The following SRD5A1 variants were observed in gnomAD, a reference collection of about 807,000 sequenced individuals.
SRD5A1 encodes the protein steroid 5 alpha-reductase 1, also known as 3-oxo-5-alpha-steroid 4-dehydrogenase 1.
Under a neutral mutation model 28.2 loss-of-function variants are expected in SRD5A1, and 22 were observed. That is an observed-to-expected ratio of 0.78 (90% CI 0.56 to 1.12). The LOEUF (loss-of-function observed/expected upper bound fraction) is 1.12, where lower values mean the gene tolerates loss of function less well. SRD5A1 is among the 50% of genes most tolerant of loss of function. SRD5A1 has a pLI of 0.00. For missense variants in SRD5A1, 300 were observed against 346.7 expected, an observed-to-expected ratio of 0.87 and a Z score of 1.07; for synonymous variants, 151 against 135.0, an observed-to-expected ratio of 1.12 and a Z score of -0.82.
chr5:6,644,768 C>T (rs554011592), intron 1 of SRD5A1: 1 of 418,136 alleles, frequency 2.4e-6, no homozygotes, highest in South Asian at 1.8e-5. Flanking sequence ...AAGAAGCCCA[C>T]ACGTACCTCT....
chr5:6,656,467 A>G (rs1253630977), intron 3 of SRD5A1, among the ~76,000 whole-genome samples: 2 of 152,232 alleles, frequency 1.3e-5, no homozygotes, highest in Non-Finnish European at 2.9e-5. Context: ...AGTGTCTGAC[A>G]CTTTTGTTTC....
At chr5:6,636,315 T>C (rs1430527203) in intron 1 of SRD5A1, among the ~76,000 whole-genome samples, 1 of 152,156 alleles carries the variant, frequency 6.6e-6, no homozygotes, top group Non-Finnish European at 1.5e-5. Context: ...GCCCTTTATT[T>C]GCACAGGGCC....
chr5:6,633,489 G>T lies in SRD5A1; in HGVS notation c.-88G>T, dbSNP rs1203863403. ...CGGGACTCCGGTAGCCGCCCCTCCG[G>T]TAGCCGCCCCTCCTGCCCCCGCGCC... On this transcript the variant is annotated 5_prime_UTR_variant, in exon 1 of 5. Coordinates refer to ENST00000274192, the MANE Select transcript of SRD5A1 (RefSeq NM_001047.4). The T allele has an allele frequency of 7.4e-7, 1 of 1,353,962 alleles. No homozygotes were observed. The highest frequency in any genetic ancestry group is 9.5e-7 in the Non-Finnish European group (1 of 1,050,404). 83.9% of individuals were successfully genotyped at this position (1,353,962 alleles called of 1,614,324 possible). A position where few individuals can be genotyped will look rare whatever the true frequency, so the allele number is the denominator to read the frequency against.
At chr5:6,657,864 T>G (rs1319133613) in intron 3 of SRD5A1, among the ~76,000 whole-genome samples, 1 of 152,236 alleles carries the variant, frequency 6.6e-6, no homozygotes, top group African/African-American at 2.4e-5. Flanking sequence ...TGTCTGATCC[T>G]TGTTCTAATC....
intron 3 of SRD5A1, among the ~76,000 whole-genome samples, chr5:6,661,138 TAG>T (rs1738986205): frequency 6.6e-6 from 1 of 152,128 alleles, no homozygotes; most frequent in South Asian, 2.1e-4. Context: ...AGAAAAGTAG[TAG>T]AGAGTTCATT....
At chr5:6,662,697 A>G in intron 3 of SRD5A1, 119 bp from the exon 4 acceptor site, 2 of 1,113,598 alleles carry the variant, frequency 1.8e-6, no homozygotes, top group Non-Finnish European at 2.6e-6. Flanking sequence ...AACATTCTGT[A>G]AGGATAATAT....
Position 6,671,690 on chromosome 5 carries a change from G to A in SRD5A1, c.*3422G>A, listed in dbSNP as rs139675736. The stretch of plus-strand genomic sequence containing the variant: ...TTGGGGACTTGGGGGGAAGGGTAAG[G>A]GGGGGTGAGGAATAAAAGACAACAT... On this transcript the variant is annotated 3_prime_UTR_variant, in exon 5 of 5. Coordinates refer to ENST00000274192, the MANE Select transcript of SRD5A1 (RefSeq NM_001047.4). 1 of 145,428 alleles carries A rather than the reference G, an allele frequency of 6.9e-6. No individual in the cohort carries two copies. Among genetic ancestry groups the A allele is most frequent in the East Asian group, 2.3e-4 (1 of 4,434 alleles). The allele number at this position is 145,428 out of a possible 1,614,324, so 9.0% of individuals were successfully genotyped here.
At position 6,652,365 on chromosome 5, in the gene SRD5A1, G is replaced by A. The variant is rs117539140; in HGVS notation, c.460+357G>A. ...TCTCCTGCGGTTCCTTCCATGACAT[G>A]AGGAAAACCCAGACTGGGTTAGCTT... On this transcript the variant is annotated intron_variant, in intron 2 of 4. Transcript: ENST00000274192. Among the ~76,000 whole-genome samples the A allele has an allele frequency of 3.9e-5, 6 of 152,336 alleles. No individual in the cohort carries two copies. In the East Asian group the frequency reaches 1.2e-3, roughly 29 times the overall value.
At position 6,647,016 on chromosome 5, in the gene SRD5A1, C is replaced by T. The variant is rs561637273; in HGVS notation, c.294-4826C>T. 5.9e-5 allele frequency among the ~76,000 whole-genome samples: 9 copies of T among 152,244 alleles called. No homozygotes were observed. The East Asian group carries it at 1.5e-3, about 26-fold the overall frequency. Reference sequence around the variant, plus strand: ...GTTTTAAAGAACATCTTTATTTCTGCTTTCATTTTGTTATTTATCCAGTAG... The same window carrying T: ...GTTTTAAAGAACATCTTTATTTCTGTTTTCATTTTGTTATTTATCCAGTAG... On this transcript the variant is annotated intron_variant, in intron 1 of 4. Transcript: ENST00000274192.
Position 6,634,696 on chromosome 5 carries a change from T to G in SRD5A1, c.293+827T>G, listed in dbSNP as rs1222847670. 5.3e-5 allele frequency among the ~76,000 whole-genome samples: 8 copies of G among 152,370 alleles called. No individual in the cohort carries two copies. The East Asian group carries it at 1.3e-3, about 26-fold the overall frequency. On this transcript the variant is annotated intron_variant, in intron 1 of 4. Coordinates refer to ENST00000274192, the MANE Select transcript of SRD5A1 (RefSeq NM_001047.4). Reference sequence around the variant, plus strand: ...GTGGAAAGCCAGCAACCTTAAACCTTAAACAAACGAAGTCTTAAAGATGAC... The same window carrying G: ...GTGGAAAGCCAGCAACCTTAAACCTGAAACAAACGAAGTCTTAAAGATGAC...
At chr5:6,663,347 A>G (rs1353898337) in intron 4 of SRD5A1, among the ~76,000 whole-genome samples, 1 of 152,254 alleles carries the variant, frequency 6.6e-6, no homozygotes, top group Non-Finnish European at 1.5e-5. Flanking sequence ...CTGAAGAGGT[A>G]GGTGAATCTC....
At chr5:6,657,583 C>A (rs1738872549) in intron 3 of SRD5A1, among the ~76,000 whole-genome samples, 1 of 152,204 alleles carries the variant, frequency 6.6e-6, no homozygotes, top group Non-Finnish European at 1.5e-5. Context: ...ATGAGCCAGA[C>A]TAAGAAGGGA....
intron 2 of SRD5A1, among the ~76,000 whole-genome samples, chr5:6,654,434 T>TTGTTTGTTTG (rs1554001873): frequency 6.6e-6 from 1 of 151,338 alleles, no homozygotes; most frequent in African/African-American, 2.4e-5. Flanking sequence ...TAAGTTTTTT[T>TTGTTTGTTTG]TTTGTTTGTT....
intron 2 of SRD5A1, among the ~76,000 whole-genome samples, chr5:6,654,177 C>T (rs770267972): frequency 6.6e-5 from 10 of 151,894 alleles, no homozygotes; most frequent in East Asian, 1.9e-4. Flanking sequence ...CTCAGCCTCC[C>T]GAGTAGCTGG....
In SRD5A1 at chr5:6,674,165, TTTAA is replaced by T. The variant is rs1739440716; in HGVS notation, c.*5901_*5904del. 1.3e-5 allele frequency: 2 copies of T among 152,036 alleles called. No individual in the cohort carries two copies. Among genetic ancestry groups the T allele is most frequent in the African/African-American group, 4.8e-5 (2 of 41,454 alleles). 9.4% of individuals were successfully genotyped at this position (152,036 alleles called of 1,614,324 possible). On this transcript the variant is annotated 3_prime_UTR_variant, in exon 5 of 5. Coordinates refer to ENST00000274192, the MANE Select transcript of SRD5A1 (RefSeq NM_001047.4). Reference sequence around the variant, plus strand: ...ATTTTCATTATTATCTAAAATGTTATTTAATTATTAAATTTAGATGCTACTTAAT... The same window carrying T: ...ATTTTCATTATTATCTAAAATGTTATTTATTAAATTTAGATGCTACTTAAT...
chr5:6,646,099 G>T (rs950518542), intron 1 of SRD5A1, among the ~76,000 whole-genome samples: 2 of 151,946 alleles, frequency 1.3e-5, no homozygotes, highest in Non-Finnish European at 2.9e-5. Flanking sequence ...GCAGTATTTT[G>T]TTTTCTGTTC....
chr5:6,662,035 C>G (rs939043533), intron 3 of SRD5A1, among the ~76,000 whole-genome samples: 1 of 152,170 alleles, frequency 6.6e-6, no homozygotes, highest in Non-Finnish European at 1.5e-5. Context: ...GGACCCTTCT[C>G]CCCACCCCTC....
intron 4 of SRD5A1, among the ~76,000 whole-genome samples, chr5:6,664,773 C>T (rs765010794): frequency 2.6e-5 from 4 of 152,228 alleles, no homozygotes; most frequent in East Asian, 3.8e-4. Context: ...CCGCATTCTT[C>T]GAGACACTCC....
At chr5:6,665,689 A>C (rs1011366476) in intron 4 of SRD5A1, among the ~76,000 whole-genome samples, 4 of 152,220 alleles carry the variant, frequency 2.6e-5, no homozygotes, top group Non-Finnish European at 4.4e-5. Flanking sequence ...GATAACACTG[A>C]CGTTTAAAAA....
Sources: gnomAD v4.1 joint callset for allele counts (sites outside exome capture counted in the v4.1 genomes callset) on GRCh38, gnomAD v4.1.1 for gene constraint, MANE v1.5 for transcripts, NCBI Gene and HGNC (gene_info 2026-07-23, HGNC 2026-07-21) for gene names.